Variants in ARHGAP22 observed in about 807,000 individuals in gnomAD.
ARHGAP22 encodes the protein Rho GTPase activating protein 22.
Under a neutral mutation model 59.1 loss-of-function variants are expected in ARHGAP22, and 48 were observed. The ratio of observed to expected loss-of-function variants is 0.81; its 90% CI spans 0.64 to 1.03. ARHGAP22 has a LOEUF of 1.03. Ranked by LOEUF, ARHGAP22 falls within the 50% of genes least tolerant of loss-of-function variation. ARHGAP22 has a pLI of 0.00. For missense variants in ARHGAP22, 1,015 were observed against 958.7 expected (o/e 1.06, Z -0.78); for synonymous variants, 445 against 416.4 (o/e 1.07, Z -0.84).
chr10:48,460,502 G>A (rs991647674), intron 4 of ARHGAP22, among the ~76,000 whole-genome samples: 4 of 152,244 alleles, frequency 2.6e-5, no homozygotes, highest in African/African-American at 9.6e-5. Flanking sequence ...AGGATGTGGA[G>A]AAACTGGAAC....
chr10:48,525,059 A>G (rs1267340265), intron 3 of ARHGAP22, among the ~76,000 whole-genome samples: 3 of 152,202 alleles, frequency 2.0e-5, no homozygotes, highest in African/African-American at 7.2e-5. Context: ...GGATTTGGGC[A>G]CTTTTTCATG....
intron 3 of ARHGAP22, among the ~76,000 whole-genome samples, chr10:48,515,411 C>A (rs1179948989): frequency 6.6e-6 from 1 of 151,992 alleles, no homozygotes; most frequent in African/African-American, 2.4e-5. Context: ...ACATATATGC[C>A]CCTATAAACA....
chr10:48,543,188 C>T (rs975911301), intron 3 of ARHGAP22, among the ~76,000 whole-genome samples: 5 of 152,212 alleles, frequency 3.3e-5, no homozygotes, highest in Non-Finnish European at 7.3e-5. Flanking sequence ...CAGAGATGTG[C>T]AGCCCTTCAC....
At chr10:48,524,463 C>A in intron 3 of ARHGAP22, among the ~76,000 whole-genome samples, 1 of 132,508 alleles carries the variant, frequency 7.5e-6, no homozygotes. Context: ...TCCCAGGAGC[C>A]GCCAGGGGGC....
chr10:48,618,447 C>T (rs2061165676), intron 1 of ARHGAP22, among the ~76,000 whole-genome samples: 2 of 151,950 alleles, frequency 1.3e-5, no homozygotes, highest in Non-Finnish European at 2.9e-5. Context: ...AAATTCTCAA[C>T]AAAATACTAG....
At chr10:48,598,169 TG>T (rs2060178196) in intron 1 of ARHGAP22, among the ~76,000 whole-genome samples, 1 of 152,210 alleles carries the variant, frequency 6.6e-6, no homozygotes, top group South Asian at 2.1e-4. Flanking sequence ...ACATCTTCCG[TG>T]GGAAGAGAAA....
At chr10:48,437,483 A>G in the ARHGAP22 span, 2 of 151,920 alleles carry the variant, frequency 1.3e-5, no homozygotes, top group Admixed American at 6.6e-5. Flanking sequence ...TTACTATCAG[A>G]AAGTTATTTT....
rs192601644 is a variant in ARHGAP22 at position 48,641,935 on chromosome 10, C to A, written c.52+10299G>T. ...TGCAAAAATCACAAGCATTCCTATA[C>A]ACCAATAATAGACAAACAGAGAGCC... On this transcript the variant is annotated intron_variant, in intron 1 of 9. Transcript: ENST00000435790. 5.5e-3 allele frequency among the ~76,000 whole-genome samples: 841 copies of A among 152,248 alleles called. 8 individuals carry two copies. Among genetic ancestry groups the A allele is most frequent in the African/African-American group, 0.019 (805 of 41,530 alleles).
chr10:48,459,386 T>C (rs1156254663), intron 5 of ARHGAP22, among the ~76,000 whole-genome samples: 1 of 152,166 alleles, frequency 6.6e-6, no homozygotes. Flanking sequence ...GCCTGGTCAG[T>C]CCTCACATGG....
chr10:48,457,501 G>A (rs544879063), intron 5 of ARHGAP22, among the ~76,000 whole-genome samples: 2 of 152,244 alleles, frequency 1.3e-5, no homozygotes, highest in Non-Finnish European at 2.9e-5. Context: ...AGGCCTCCCA[G>A]TGCTCCCTCC....
intron 4 of ARHGAP22, among the ~76,000 whole-genome samples, chr10:48,473,993 G>A (rs551688964): frequency 3.5e-4 from 53 of 152,274 alleles, no homozygotes; most frequent in South Asian, 2.1e-4. Context: ...ATCCTTCTGG[G>A]GCTGCGTTCC....
intron 3 of ARHGAP22, among the ~76,000 whole-genome samples, chr10:48,520,503 G>C (rs573210753): frequency 6.6e-6 from 1 of 152,300 alleles, no homozygotes; most frequent in Non-Finnish European, 1.5e-5. Context: ...CAGGATGAGT[G>C]GGGAGGAGGA....
chr10:48,455,481 G>A (rs1021967189), intron 5 of ARHGAP22, among the ~76,000 whole-genome samples: 1 of 152,342 alleles, frequency 6.6e-6, no homozygotes, highest in African/African-American at 2.4e-5. Context: ...CAGGAACTGT[G>A]AAGCCACAGG....
At chr10:48,591,214 G>A (rs961537869) in intron 1 of ARHGAP22, among the ~76,000 whole-genome samples, 4 of 152,172 alleles carry the variant, frequency 2.6e-5, no homozygotes, top group African/African-American at 7.2e-5. Context: ...AAGAAATGAA[G>A]CCTGAGATGA....
intron 3 of ARHGAP22, among the ~76,000 whole-genome samples, chr10:48,548,900 G>A (rs961605764): frequency 5.3e-5 from 8 of 152,250 alleles, no homozygotes; most frequent in African/African-American, 1.9e-4. Flanking sequence ...AGCAGGCTGA[G>A]GAAGAGCAGG....
intron 3 of ARHGAP22, among the ~76,000 whole-genome samples, chr10:48,553,545 G>T (rs911859533): frequency 6.6e-6 from 1 of 152,204 alleles, no homozygotes; most frequent in East Asian, 1.9e-4. Flanking sequence ...TCTCTCTGGG[G>T]ATTCTTTCTA....
chr10:48,605,962 T>C (rs556695212), upstream of ARHGAP22, among the ~76,000 whole-genome samples: 46 of 152,268 alleles, frequency 3.0e-4, no homozygotes, highest in African/African-American at 1.0e-3. Flanking sequence ...CCTATTCCCA[T>C]CACTGCATGG....
At chr10:48,561,644 G>A (rs1330566798) in intron 2 of ARHGAP22, among the ~76,000 whole-genome samples, 1 of 151,978 alleles carries the variant, frequency 6.6e-6, no homozygotes, top group Non-Finnish European at 1.5e-5. Flanking sequence ...TCTATAATAA[G>A]GTAACAATCC....
chr10:48,459,545 T>C (rs907275638), intron 5 of ARHGAP22, 139 bp downstream of exon 5: 25 of 985,410 alleles, frequency 2.5e-5, no homozygotes, highest in Non-Finnish European at 3.5e-5. Context: ...GGGTGTGCCC[T>C]ACACTCTGCC....
Sources: gnomAD v4.1 joint callset for allele counts (sites outside exome capture counted in the v4.1 genomes callset) on GRCh38, gnomAD v4.1.1 for gene constraint, MANE v1.5 for transcripts, NCBI Gene and HGNC (gene_info 2026-07-23, HGNC 2026-07-21) for gene names.